The following PRDM16 variants were observed in gnomAD, a reference collection of about 807,000 sequenced individuals.
The protein encoded by PRDM16 is histone-lysine N-methyltransferase PRDM16.
A neutral mutation model predicts 110.6 loss-of-function variants in PRDM16; 23 were observed. The ratio of observed to expected loss-of-function variants is 0.21; its 90% CI spans 0.15 to 0.29. PRDM16 has a LOEUF of 0.29. Among genes scored for constraint, PRDM16 ranks in the 10% least tolerant of loss-of-function variants. PRDM16 has a pLI of 1.00. For synonymous variants in PRDM16, 799 were observed against 781.8 expected (o/e 1.02, Z -0.37); for missense variants, 1,615 against 1,794.3 (o/e 0.90, Z 1.81).
At chr1:3,289,402 C>G (rs973895445) in intron 3 of PRDM16, among the ~76,000 whole-genome samples, 2 of 152,358 alleles carry the variant, frequency 1.3e-5, no homozygotes, top group African/African-American at 2.4e-5. Flanking sequence ...GGGTGTCTGT[C>G]GACAAATTCA....
At chr1:3,325,874 C>T (rs557097001) in intron 3 of PRDM16, among the ~76,000 whole-genome samples, 1 of 151,864 alleles carries the variant, frequency 6.6e-6, no homozygotes, top group East Asian at 1.9e-4. Flanking sequence ...CTCAGTGAGC[C>T]ATGACCATTC....
At chr1:3,400,839 A>G (rs1225034490) in intron 5 of PRDM16, among the ~76,000 whole-genome samples, 1 of 151,806 alleles carries the variant, frequency 6.6e-6, no homozygotes, top group Non-Finnish European at 1.5e-5. Flanking sequence ...CTGCCCACTC[A>G]CCCCCAATGC....
intron 10 of PRDM16, among the ~76,000 whole-genome samples, chr1:3,415,424 G>T (rs913025186): frequency 6.6e-6 from 1 of 152,218 alleles, no homozygotes; most frequent in Non-Finnish European, 1.5e-5. Context: ...TCTCTTTCTC[G>T]GCCTTCCCCG....
intron 3 of PRDM16, among the ~76,000 whole-genome samples, chr1:3,380,267 C>T (rs1250288300): frequency 6.6e-6 from 1 of 151,834 alleles, no homozygotes; most frequent in Admixed American, 6.5e-5. Flanking sequence ...CTCAGAGGTG[C>T]CCCTCTGTGG....
intron 1 of PRDM16, among the ~76,000 whole-genome samples, chr1:3,146,596 CG>C (rs989271769): frequency 3.9e-5 from 5 of 128,506 alleles, no homozygotes; most frequent in Non-Finnish European, 6.4e-5. Context: ...TATGTGTGCA[CG>C]TGTGTGCTCA....
intron 1 of PRDM16, among the ~76,000 whole-genome samples, chr1:3,090,997 AAGTCACGTTTCTCCCCGC>A (rs1367879863): frequency 6.6e-6 from 1 of 150,958 alleles, no homozygotes; most frequent in Non-Finnish European, 1.5e-5. Flanking sequence ...TGGCTCAGGA[AAGTCACGTTTCTCCCCGC>A]AAGTCTGCCC....
chr1:3,085,681 CAT>C (rs1642132911), intron 1 of PRDM16, among the ~76,000 whole-genome samples: 2 of 152,226 alleles, frequency 1.3e-5, no homozygotes, highest in Non-Finnish European at 2.9e-5. Flanking sequence ...GCATCCTGCC[CAT>C]GTGTGTGTCC....
At chr1:3,346,690 C>T (rs1254505295) in intron 3 of PRDM16, among the ~76,000 whole-genome samples, 1 of 152,168 alleles carries the variant, frequency 6.6e-6, no homozygotes, top group African/African-American at 2.4e-5. Flanking sequence ...TGCATCTTCT[C>T]ACCCCGGCTG....
At chr1:3,288,355 C>T (rs999394160) in intron 3 of PRDM16, among the ~76,000 whole-genome samples, 5 of 152,202 alleles carry the variant, frequency 3.3e-5, no homozygotes, top group South Asian at 2.1e-4. Context: ...CCTTCCCACT[C>T]CCCGCTCTGT....
intron 7 of PRDM16, among the ~76,000 whole-genome samples, 163 bp from the exon 8 acceptor site, chr1:3,405,332 C>T (rs1434143487): frequency 6.6e-6 from 1 of 152,206 alleles, no homozygotes; most frequent in African/African-American, 2.4e-5. Flanking sequence ...TGCAGCGGGT[C>T]CTTGCTACAC....
chr1:3,099,092 G>A (rs368014520), intron 1 of PRDM16, among the ~76,000 whole-genome samples: 1 of 152,228 alleles, frequency 6.6e-6, no homozygotes, highest in African/African-American at 2.4e-5. Context: ...TGAGAAGCAA[G>A]CTCCTCTGGG....
chr1:3,363,551 G>C (rs745373028), intron 3 of PRDM16, among the ~76,000 whole-genome samples: 2 of 152,152 alleles, frequency 1.3e-5, no homozygotes, highest in African/African-American at 4.8e-5. Flanking sequence ...GGGGCATCCT[G>C]AGTGCCATCC....
chr1:3,072,759 G>A (rs1024039438), intron 1 of PRDM16, among the ~76,000 whole-genome samples: 4 of 152,218 alleles, frequency 2.6e-5, no homozygotes, highest in African/African-American at 9.7e-5. Context: ...GACGTCCGGC[G>A]GGAATCCAGC....
intron 1 of PRDM16, among the ~76,000 whole-genome samples, chr1:3,129,727 C>A (rs543315087): frequency 2.6e-5 from 4 of 152,158 alleles, no homozygotes; most frequent in Admixed American, 1.3e-4. Context: ...AGACCCTGTA[C>A]GGAGCAGAAA....
chr1:3,357,007 C>T (rs1642616973), intron 3 of PRDM16, among the ~76,000 whole-genome samples: 1 of 152,218 alleles, frequency 6.6e-6, no homozygotes, highest in Non-Finnish European at 1.5e-5. Flanking sequence ...AGGCTACACC[C>T]AGCTGCAGCT....
At chr1:3,298,128 C>T (rs910891912) in intron 3 of PRDM16, among the ~76,000 whole-genome samples, 1 of 152,262 alleles carries the variant, frequency 6.6e-6, no homozygotes, top group Non-Finnish European at 1.5e-5. Context: ...AGAGCCAAAC[C>T]TCTGGGGCTT....
At chr1:3,414,477 C>G in intron 9 of PRDM16, 83 bp from the exon 10 acceptor site, 2 of 1,008,252 alleles carry the variant, frequency 2.0e-6, no homozygotes, top group Non-Finnish European at 3.0e-6. Context: ...TATGGTCAGG[C>G]GGGGTGGGCG....
intron 1 of PRDM16, among the ~76,000 whole-genome samples, chr1:3,153,989 A>C (rs1367277788): frequency 6.6e-6 from 1 of 152,202 alleles, no homozygotes; most frequent in Non-Finnish European, 1.5e-5. Flanking sequence ...CAGCTTCTGA[A>C]GCAATTAGGC....
chr1:3,326,846 TG>T (rs895839184), intron 3 of PRDM16, among the ~76,000 whole-genome samples: 2 of 152,162 alleles, frequency 1.3e-5, no homozygotes, highest in African/African-American at 4.8e-5. Flanking sequence ...ACAGAGAAGG[TG>T]GGCTCCTGCC....
Sources: gnomAD v4.1 joint callset for allele counts (sites outside exome capture counted in the v4.1 genomes callset) on GRCh38, gnomAD v4.1.1 for gene constraint, MANE v1.5 for transcripts, NCBI Gene and HGNC (gene_info 2026-07-23, HGNC 2026-07-21) for gene names.